Variants in RNF135 observed in about 807,000 individuals in gnomAD.
RNF135 encodes ring finger protein 135, also known as E3 ubiquitin-protein ligase RNF135.
In RNF135, 46 loss-of-function variants were observed where a neutral mutation model predicts 41.9. The ratio of observed to expected loss-of-function variants is 1.10; its 90% CI spans 0.87 to 1.40. The LOEUF (loss-of-function observed/expected upper bound fraction) is 1.40. Ranked by LOEUF, RNF135 falls within the 40% of genes most tolerant of loss-of-function variation. RNF135 has a pLI of 0.00. For synonymous variants in RNF135, 238 were observed against 223.8 expected, an observed-to-expected ratio of 1.06 and a Z score of -0.57; for missense variants, 539 against 549.8, an observed-to-expected ratio of 0.98 and a Z score of 0.20.
chr17:30,973,947 A>G (rs1251535412), intron 1 of RNF135, among the ~76,000 whole-genome samples: 7 of 152,160 alleles, frequency 4.6e-5, no homozygotes, highest in African/African-American at 1.7e-4. Context: ...CCTTGTCAAC[A>G]ATCATTTGGC....
At chr17:30,983,317 G>GTATATATATATA (rs1234232549) in intron 1 of RNF135, among the ~76,000 whole-genome samples, 2 of 24,842 alleles carry the variant, frequency 8.1e-5, no homozygotes, top group Non-Finnish European at 1.0e-4. Context: ...TTACATATAT[G>GTATATATATATA]TACATATATA....
intron 3 of RNF135, among the ~76,000 whole-genome samples, chr17:30,988,718 G>A (rs942818512): frequency 1.4e-5 from 2 of 142,620 alleles, no homozygotes; most frequent in African/African-American, 5.2e-5. Context: ...GAGCCACCGT[G>A]CCTGGCCTTA....
chr17:30,988,911 C>A (rs554693857), intron 3 of RNF135, among the ~76,000 whole-genome samples: 3 of 127,212 alleles, frequency 2.4e-5, no homozygotes, highest in East Asian at 2.4e-4. Flanking sequence ...TTTTTTTTTT[C>A]TTTTCTTTCT....
rs1907705358 is a variant in RNF135, at chr17:30,987,965, C to T, written c.538C>T (p.Leu180Phe). The change falls in exon 3 of 5, where the codon CTT becomes TTT. Residue 180 changes from leucine (L) to phenylalanine (F), a missense_variant. Physicochemically the swap from Leu to Phe is conservative, Grantham distance 22. Transcript: ENST00000328381. ...ATAGGCTTTTTCTTCTGGGGTGGAT[C>T]TTTCCATGGCTTCTCCAAAGCTGGT... ...LGKAFSSGVD[L>F]SMASPKLVTS... The T allele has an allele frequency of 6.2e-7, 1 of 1,614,106 alleles. No homozygotes were observed.
intron 1 of RNF135, among the ~76,000 whole-genome samples, chr17:30,983,043 C>T (rs1284577770): frequency 6.6e-6 from 1 of 151,966 alleles, no homozygotes; most frequent in Non-Finnish European, 1.5e-5. Context: ...GCTTATTTCA[C>T]TTAGCATAAT....
chr17:30,974,342 G>C (rs372853106), intron 1 of RNF135, among the ~76,000 whole-genome samples: 3 of 152,012 alleles, frequency 2.0e-5, no homozygotes, highest in Non-Finnish European at 4.4e-5. Flanking sequence ...TGAGTTCTTT[G>C]ACTTTGTTTT....
In RNF135 at chr17:30,998,821, C is replaced by T; in HGVS notation, c.929C>T (p.Ser310Phe). The T allele has an allele frequency of 6.2e-7, 1 of 1,613,528 alleles. No individual in the cohort carries two copies. Among genetic ancestry groups the T allele is most frequent in the East Asian group, 2.2e-5 (1 of 44,880 alleles). Reference sequence around the variant, plus strand: ...GTCTTATGTTCCCAGGCCCTGTCTTCTGGAAAGCATTACTGGGAAGTGGAC... The same window carrying T: ...GTCTTATGTTCCCAGGCCCTGTCTTTTGGAAAGCATTACTGGGAAGTGGAC... ...SQVLCSQALS[S>F]GKHYWEVDTR... Residue 310 changes from serine to phenylalanine, a missense_variant, in exon 5 of 5, where the codon TCT (serine) becomes TTT (phenylalanine). Physicochemically the swap from Ser to Phe is radical, Grantham distance 155 (BLOSUM62 -2). Around this residue, in one of 2 missense-constraint regions of RNF135, gnomAD observed 262 missense variants for 336.9 expected, o/e 0.78. Transcript: ENST00000328381.
intron 2 of RNF135, among the ~76,000 whole-genome samples, chr17:30,985,054 A>AT (rs764253076): frequency 4.6e-5 from 7 of 152,130 alleles, no homozygotes; most frequent in Admixed American, 6.6e-5. Flanking sequence ...GCCTGTCTTC[A>AT]TTGACCTTTC....
Position 30,983,346 on chromosome 17 carries a change from TATATA to T in RNF135, c.373-1270_373-1266del, listed in dbSNP as rs1309428167. On this transcript the variant is annotated intron_variant, in intron 1 of 4. Coordinates refer to ENST00000328381, the MANE Select transcript of RNF135 (RefSeq NM_032322.4). ...ATATATATATATATATATATATATA[TATATA>T]TATTTTTTTTTTTTTTTTTTGAGAT... Among the ~76,000 whole-genome samples the T allele has an allele frequency of 3.9e-3, 136 of 34,518 alleles. 1 individual carries two copies. Among genetic ancestry groups the T allele is most frequent in the East Asian group, 7.6e-3 (8 of 1,054 alleles). The allele number at this position is 34,518 out of a possible 152,430, so 22.6% of individuals were successfully genotyped here. A position where few individuals can be genotyped will look rare whatever the true frequency, so the allele number is the denominator to read the frequency against.
At chr17:30,995,815 G>A (rs1186959951) in intron 3 of RNF135, among the ~76,000 whole-genome samples, 1 of 151,134 alleles carries the variant, frequency 6.6e-6, no homozygotes, top group African/African-American at 2.4e-5. Context: ...GTGCAGTGGT[G>A]CGATCTTGGC....
chr17:30,979,867 C>G (rs1299823934), intron 1 of RNF135, among the ~76,000 whole-genome samples: 1 of 136,568 alleles, frequency 7.3e-6, no homozygotes, highest in Admixed American at 7.0e-5. Context: ...GGCTGACCCC[C>G]CCACCTCCCT....
chr17:30,990,811 C>T (rs2142722985), intron 3 of RNF135, among the ~76,000 whole-genome samples: 1 of 152,146 alleles, frequency 6.6e-6, no homozygotes, highest in South Asian at 2.1e-4. Context: ...GGACATTTTT[C>T]CTTGCTTTTG....
At chr17:30,967,272 C>T (rs911483596), upstream of RNF135, among the ~76,000 whole-genome samples, 27 of 152,152 alleles carry the variant, frequency 1.8e-4, no homozygotes, top group African/African-American at 5.5e-4. Context: ...TCAAGTGTTC[C>T]GCTCACCTTG....
chr17:30,972,722 T>C (rs1408001381), intron 1 of RNF135: 1 of 152,266 alleles, frequency 6.6e-6, no homozygotes, highest in African/African-American at 2.4e-5. Context: ...GTGTCAGAAC[T>C]TTATTCCTTT....
At chr17:30,971,740 A>G in intron 1 of RNF135, 18 of 1,286,130 alleles carry the variant, frequency 1.4e-5, no homozygotes, top group Non-Finnish European at 1.8e-5. Context: ...AAACTTGTAA[A>G]ATTGTGGTAA....
chr17:30,976,706 T>C (rs1160505229), intron 1 of RNF135, among the ~76,000 whole-genome samples: 1 of 150,660 alleles, frequency 6.6e-6, no homozygotes, highest in Non-Finnish European at 1.5e-5. Context: ...AAACTTTGTC[T>C]TTTATTATAG....
At chr17:30,970,810 G>A (rs1905828458), upstream of RNF135, 5 of 553,318 alleles carry the variant, frequency 9.0e-6, no homozygotes, top group Non-Finnish European at 1.6e-5. Context: ...GACCTCCGCG[G>A]GTTTCTAGCA....
Position 30,999,407 on chromosome 17 carries a change from C to T in RNF135, c.*216C>T, listed in dbSNP as rs532506951. 4 of 578,424 alleles carry T rather than the reference C, an allele frequency of 6.9e-6. No homozygotes were observed. Among genetic ancestry groups the T allele is most frequent in the South Asian group, 6.0e-5 (3 of 49,884 alleles). 35.8% of individuals were successfully genotyped at this position (578,424 alleles called of 1,614,324 possible). A position where few individuals can be genotyped will look rare whatever the true frequency, so the allele number is the denominator to read the frequency against. On this transcript the variant is annotated 3_prime_UTR_variant, in exon 5 of 5. Transcript: ENST00000328381. ...GGGATTACAGGTGTGAGCCACCACA[C>T]CTGGCCAAGAATACCACTTTTGAAG...
Position 30,999,611 on chromosome 17 carries a change from TTG to T in RNF135, c.*421_*422del, listed in dbSNP as rs1439634427. 4.9e-6 allele frequency: 1 copy of T among 203,018 alleles called. No homozygotes were observed. Among genetic ancestry groups the T allele is most frequent in the East Asian group, 1.1e-4 (1 of 9,170 alleles). 12.6% of individuals were successfully genotyped at this position (203,018 alleles called of 1,614,324 possible). A position where few individuals can be genotyped will look rare whatever the true frequency, so the allele number is the denominator to read the frequency against. On this transcript the variant is annotated 3_prime_UTR_variant, in exon 5 of 5. Coordinates refer to ENST00000328381, the MANE Select transcript of RNF135 (RefSeq NM_032322.4). ...TGGGCCATGCAGTATCAGCTTGACC[TTG>T]CAAGGTCAAGCTGAGGAGACTAAGT...
Sources: gnomAD v4.1 joint callset for allele counts (sites outside exome capture counted in the v4.1 genomes callset) on GRCh38, gnomAD v4.1.1 for gene constraint, gnomAD v4.1.1 regional missense constraint, MANE v1.5 for transcripts, NCBI Gene and HGNC (gene_info 2026-07-23, HGNC 2026-07-21) for gene names.